TMEM196: variants seen among roughly 807,000 people sequenced by gnomAD.
TMEM196 encodes the protein transmembrane protein 196.
In TMEM196, 17 loss-of-function variants were observed where a neutral mutation model predicts 20.0. That is an observed-to-expected ratio of 0.85 (90% confidence interval 0.58 to 1.27). The LOEUF (loss-of-function observed/expected upper bound fraction) is 1.27, where lower values mean the gene tolerates loss of function less well. Among genes scored for constraint, TMEM196 ranks in the 50% most tolerant of loss-of-function variants. TMEM196 has a pLI of 0.00. For missense variants in TMEM196, 267 were observed against 223.0 expected (o/e 1.20, Z -1.26); for synonymous variants, 113 against 88.9 (o/e 1.27, Z -1.52).
At chr7:19,734,433 G>T (rs1282333805) in intron 1 of TMEM196, among the ~76,000 whole-genome samples, 4 of 152,268 alleles carry the variant, frequency 2.6e-5, no homozygotes, top group Middle Eastern at 3.4e-3. Context: ...GGTAAAAAAG[G>T]CTTTGCCAAT....
At chr7:19,731,728 G>C (rs1243190411) in intron 1 of TMEM196, among the ~76,000 whole-genome samples, 1 of 152,190 alleles carries the variant, frequency 6.6e-6, no homozygotes, top group Non-Finnish European at 1.5e-5. Flanking sequence ...AGAACATCTA[G>C]GTGGCAATAA....
At chr7:19,772,479 A>T in intron 1 of TMEM196, 71 bp downstream of exon 1, 1 of 1,398,260 alleles carries the variant, frequency 7.2e-7, no homozygotes, top group Non-Finnish European at 9.4e-7. Flanking sequence ...TAATGCGCGC[A>T]CCCTGACCAT....
intron 1 of TMEM196, among the ~76,000 whole-genome samples, chr7:19,745,651 T>C (rs968230781): frequency 2.7e-5 from 4 of 149,972 alleles, no homozygotes; most frequent in African/African-American, 9.9e-5. Flanking sequence ...AATAAAGAAG[T>C]ACAAGAGGAA....
chr7:19,746,923 CT>C (rs1451945131), intron 1 of TMEM196, among the ~76,000 whole-genome samples: 1 of 152,168 alleles, frequency 6.6e-6, no homozygotes. Context: ...TCATTTCTGT[CT>C]TTTACACTGT....
chr7:19,736,356 T>C (rs1784403467), intron 1 of TMEM196, among the ~76,000 whole-genome samples: 2 of 19,182 alleles, frequency 1.0e-4, no homozygotes, highest in Admixed American at 4.9e-4. Context: ...GTTCCTACTA[T>C]ATATATATAT....
intron 1 of TMEM196, among the ~76,000 whole-genome samples, chr7:19,732,447 C>T (rs958746041): frequency 2.6e-5 from 4 of 151,940 alleles, no homozygotes; most frequent in African/African-American, 9.7e-5. Flanking sequence ...GTTGCAGTCA[C>T]CTGTAGTCGC....
chr7:19,747,501 T>C lies in TMEM196; in HGVS notation c.148-18063A>G, dbSNP rs149107461. On this transcript the variant is annotated intron_variant, in intron 1 of 4. Coordinates refer to ENST00000405844, the MANE Select transcript of TMEM196 (RefSeq NM_001363562.2). ...CAAGCACTTGCTAGGTAACAGCCTCTAGGCTAAACATTTTGCACACATCAT... is the reference window on the plus strand; with the variant it reads ...CAAGCACTTGCTAGGTAACAGCCTCCAGGCTAAACATTTTGCACACATCAT... 2.7e-3 allele frequency among the ~76,000 whole-genome samples: 406 copies of C among 152,280 alleles called. 4 individuals carry two copies. Among genetic ancestry groups the C allele is most frequent in the African/African-American group, 9.4e-3 (389 of 41,578 alleles).
At chr7:19,739,957 T>TTG (rs59571643) in intron 1 of TMEM196, among the ~76,000 whole-genome samples, 230 of 151,552 alleles carry the variant, frequency 1.5e-3, no homozygotes, top group African/African-American at 4.3e-3. Flanking sequence ...CAGGTGTGTT[T>TTG]TGTGTGTGTG....
intron 1 of TMEM196, among the ~76,000 whole-genome samples, chr7:19,731,012 G>A (rs1049735475): frequency 1.3e-5 from 2 of 152,026 alleles, no homozygotes; most frequent in Non-Finnish European, 2.9e-5. Context: ...AAATGCATTG[G>A]GAGACAACAA....
chr7:19,733,974 T>C (rs2128018734), intron 1 of TMEM196, among the ~76,000 whole-genome samples: 1 of 152,214 alleles, frequency 6.6e-6, no homozygotes, highest in Non-Finnish European at 1.5e-5. Flanking sequence ...CTGACAGCAG[T>C]CTACCAATGA....
chr7:19,750,169 C>A (rs1003766957), intron 1 of TMEM196, among the ~76,000 whole-genome samples: 1 of 152,182 alleles, frequency 6.6e-6, no homozygotes, highest in African/African-American at 2.4e-5. Flanking sequence ...TGTTGTCTTT[C>A]TCTCTCTTTA....
intron 1 of TMEM196, among the ~76,000 whole-genome samples, chr7:19,744,131 A>G (rs1488618267): frequency 6.6e-6 from 1 of 152,158 alleles, no homozygotes; most frequent in Non-Finnish European, 1.5e-5. Context: ...ATTATTTAAG[A>G]ATAGTTATGA....
chr7:19,726,110 G>A (rs1783991577), intron 2 of TMEM196, among the ~76,000 whole-genome samples: 1 of 152,128 alleles, frequency 6.6e-6, no homozygotes, highest in East Asian at 1.9e-4. Flanking sequence ...CATCTACCGT[G>A]TGCTACCATG....
At chr7:19,771,586 A>G (rs1388251647) in intron 1 of TMEM196, among the ~76,000 whole-genome samples, 3 of 152,228 alleles carry the variant, frequency 2.0e-5, no homozygotes, top group Non-Finnish European at 2.9e-5. Flanking sequence ...AATACTTTCT[A>G]TTGAATTATC....
In TMEM196 at chr7:19,772,648, G is replaced by T. The variant is rs2128042571; in HGVS notation, c.49C>A (p.Leu17Met). The T allele has an allele frequency of 1.3e-6, 2 of 1,544,318 alleles. No homozygotes were observed. The highest frequency in any genetic ancestry group is 4.9e-5 in the East Asian group (2 of 40,424). Residue 17 changes from leucine (L) to methionine (M), a missense_variant, in exon 1 of 5, where the codon CTG (leucine) becomes ATG (methionine). By Grantham distance (15) the Leu-to-Met change is conservative. Transcript: ENST00000405844. ...IIGSLLVLSVLEIGLGVSSVA... is the reference protein window; with the variant it reads ...IIGSLLVLSVMEIGLGVSSVA... ...CTGGACACCCCCAGCCCTATCTCCA[G>T]CACGGAGAGCACCAAGAGGCTCCCA...
At chr7:19,732,455 C>G (rs575362330) in intron 1 of TMEM196, among the ~76,000 whole-genome samples, 1 of 151,920 alleles carries the variant, frequency 6.6e-6, no homozygotes, top group Non-Finnish European at 1.5e-5. Context: ...CACCTGTAGT[C>G]GCAGCTACTC....
At chr7:19,750,766 T>C (rs142836989) in intron 1 of TMEM196, among the ~76,000 whole-genome samples, 27 of 151,474 alleles carry the variant, frequency 1.8e-4, no homozygotes, top group African/African-American at 6.3e-4. Context: ...CCTTCAGAAA[T>C]AGAGTGAATC....
intron 1 of TMEM196, among the ~76,000 whole-genome samples, chr7:19,732,905 A>T (rs1784263668): frequency 6.6e-6 from 1 of 152,234 alleles, no homozygotes; most frequent in Non-Finnish European, 1.5e-5. Flanking sequence ...CATCATGGCA[A>T]TTATTAAGCA....
chr7:19,766,601 T>A (rs980914584), intron 1 of TMEM196, among the ~76,000 whole-genome samples: 1 of 151,434 alleles, frequency 6.6e-6, no homozygotes, highest in South Asian at 2.1e-4. Context: ...ATAACTTTTT[T>A]AATGCAGTAG....
Sources: gnomAD v4.1 joint callset for allele counts (sites outside exome capture counted in the v4.1 genomes callset) on GRCh38, gnomAD v4.1.1 for gene constraint, MANE v1.5 for transcripts, NCBI Gene and HGNC (gene_info 2026-07-23, HGNC 2026-07-21) for gene names.